Variants in PPM1H observed in about 807,000 individuals in gnomAD.
The protein encoded by PPM1H is protein phosphatase 1H.
In PPM1H, 27 loss-of-function variants were observed where a neutral mutation model predicts 54.9. That is an observed-to-expected ratio of 0.49 (90% CI 0.36 to 0.68). The LOEUF (loss-of-function observed/expected upper bound fraction) is 0.68, where lower values mean the gene tolerates loss of function less well. Among genes scored for constraint, PPM1H ranks in the 30% least tolerant of loss-of-function variants. The probability of loss-of-function intolerance (pLI) is 0.00; values close to 1 mark genes in which losing one functional copy is unlikely to be tolerated. For missense variants in PPM1H, 596 were observed against 667.8 expected (o/e 0.89, Z 1.19); for synonymous variants, 305 against 270.8 (o/e 1.13, Z -1.24).
intron 1 of PPM1H, among the ~76,000 whole-genome samples, chr12:62,909,316 G>A (rs189803410): frequency 6.6e-6 from 1 of 152,278 alleles, no homozygotes; most frequent in East Asian, 1.9e-4. Flanking sequence ...GGTGGCCAAA[G>A]CCATCGTTCT....
chr12:62,785,419 C>T (rs1346395246), intron 4 of PPM1H, among the ~76,000 whole-genome samples: 2 of 152,208 alleles, frequency 1.3e-5, no homozygotes, highest in African/African-American at 2.4e-5. Flanking sequence ...CCTCATGATC[C>T]GCCCGCCTTG....
chr12:62,840,051 CAGAG>C (rs202055824), intron 1 of PPM1H: 6,446 of 130,272 alleles, frequency 0.049, 155 homozygotes, highest in Middle Eastern at 0.092. Context: ...TCTAGAGAGA[CAGAG>C]AGAGAGAGAG....
rs528936066 is a variant in PPM1H, at chr12:62,809,886, T to G, written c.412-7726A>C. 2.6e-5 allele frequency among the ~76,000 whole-genome samples: 4 copies of G among 152,270 alleles called. No homozygotes were observed. The East Asian group carries it at 7.8e-4, about 30-fold the overall frequency. On this transcript the variant is annotated intron_variant, in intron 2 of 9. Coordinates refer to ENST00000228705, the MANE Select transcript of PPM1H (RefSeq NM_020700.2). Reference sequence around the variant, plus strand: ...GGAACTATGACCATCATGTTTTTCTTCTGCGTGAAACACTGATCCCTATCT... The same window carrying G: ...GGAACTATGACCATCATGTTTTTCTGCTGCGTGAAACACTGATCCCTATCT...
intron 2 of PPM1H, among the ~76,000 whole-genome samples, chr12:62,806,907 G>A (rs896780994): frequency 1.3e-5 from 2 of 152,210 alleles, no homozygotes; most frequent in African/African-American, 4.8e-5. Flanking sequence ...GAGAGGACAA[G>A]GAGAAATTCT....
intron 1 of PPM1H, among the ~76,000 whole-genome samples, chr12:62,881,298 G>A (rs1870385358): frequency 6.6e-6 from 1 of 152,226 alleles, no homozygotes; most frequent in African/African-American, 2.4e-5. Flanking sequence ...GAATCTAGGT[G>A]CTGCTGTGAA....
rs192729713 is a variant in PPM1H at position 62,731,572 on chromosome 12, G to A, written c.954+5930C>T. Among the ~76,000 whole-genome samples the A allele has an allele frequency of 2.1e-3, 323 of 152,298 alleles. 2 individuals carry two copies. Among genetic ancestry groups the A allele is most frequent in the South Asian group, 9.8e-3 (47 of 4,820 alleles). On this transcript the variant is annotated intron_variant, in intron 5 of 9. Transcript: ENST00000228705. The stretch of plus-strand genomic sequence containing the variant: ...GCAGACAAACAGAACCCGGCTCGGC[G>A]TTGAGAGCTGGGGGTAGTTCCAAGG...
At chr12:62,669,457 C>T (rs1482743529) in intron 8 of PPM1H, among the ~76,000 whole-genome samples, 1 of 152,172 alleles carries the variant, frequency 6.6e-6, no homozygotes, top group Non-Finnish European at 1.5e-5. Flanking sequence ...GATGCCAATG[C>T]TGCAGGTTCA....
chr12:62,708,174 C>A (rs1340747026), intron 6 of PPM1H, among the ~76,000 whole-genome samples: 1 of 152,224 alleles, frequency 6.6e-6, no homozygotes, highest in Non-Finnish European at 1.5e-5. Context: ...GCTTTCAGCT[C>A]TCCAGCAAGG....
At position 62,677,334 on chromosome 12, in the gene PPM1H, G is replaced by A. The variant is rs148654786; in HGVS notation, c.1246-10005C>T. On this transcript the variant is annotated intron_variant, in intron 8 of 9. Coordinates refer to ENST00000228705, the MANE Select transcript of PPM1H (RefSeq NM_020700.2). ...TGTAACACAAACAGTGCTGAAACAC[G>A]CCTCCCTCTTGCCACACTGCAGGCA... 1.1e-3 allele frequency among the ~76,000 whole-genome samples: 161 copies of A among 152,326 alleles called. 1 individual carries two copies. Among genetic ancestry groups the A allele is most frequent in the African/African-American group, 3.7e-3 (153 of 41,580 alleles).
chr12:62,917,562 G>A (rs955808120), intron 1 of PPM1H, among the ~76,000 whole-genome samples: 1 of 152,118 alleles, frequency 6.6e-6, no homozygotes, highest in African/African-American at 2.4e-5. Context: ...GATTTTGTTT[G>A]CTTCACTGAT....
chr12:62,797,114 C>A (rs1434754956), intron 3 of PPM1H, among the ~76,000 whole-genome samples: 2 of 152,070 alleles, frequency 1.3e-5, no homozygotes, highest in Non-Finnish European at 2.9e-5. Flanking sequence ...CAGATGGAGA[C>A]AGACAAGCAG....
chr12:62,777,017 C>T (rs1195579023), intron 4 of PPM1H, among the ~76,000 whole-genome samples: 2 of 152,174 alleles, frequency 1.3e-5, no homozygotes, highest in Non-Finnish European at 2.9e-5. Context: ...TTCACAAAAA[C>T]GAGTATGATC....
At chr12:62,817,148 A>AAC (rs2076873247) in intron 2 of PPM1H, among the ~76,000 whole-genome samples, 1 of 133,448 alleles carries the variant, frequency 7.5e-6, no homozygotes, top group Non-Finnish European at 1.7e-5. Flanking sequence ...AAAAAAAAAA[A>AAC]AACTAAAAAA....
At chr12:62,731,903 G>A (rs2076323007) in intron 5 of PPM1H, among the ~76,000 whole-genome samples, 1 of 152,094 alleles carries the variant, frequency 6.6e-6, no homozygotes, top group South Asian at 2.1e-4. Context: ...CAAAGGTAGG[G>A]GTGATTTCCT....
At chr12:62,707,591 A>G (rs1251994847) in intron 6 of PPM1H, among the ~76,000 whole-genome samples, 1 of 152,222 alleles carries the variant, frequency 6.6e-6, no homozygotes, top group Non-Finnish European at 1.5e-5. Flanking sequence ...AAAATGCAGA[A>G]TCCATAGAGA....
At chr12:62,933,244 G>A (rs1054379114) in intron 1 of PPM1H, among the ~76,000 whole-genome samples, 1 of 152,122 alleles carries the variant, frequency 6.6e-6, no homozygotes, top group Admixed American at 6.5e-5. Context: ...ATGGAGAAAC[G>A]CTTTATAGGA....
intron 8 of PPM1H, among the ~76,000 whole-genome samples, chr12:62,688,620 T>C (rs983559501): frequency 2.6e-5 from 4 of 152,166 alleles, no homozygotes; most frequent in African/African-American, 7.2e-5. Flanking sequence ...AACTTGTTTG[T>C]AAATTAACTT....
At chr12:62,685,698 G>C (rs1382136732) in intron 8 of PPM1H, among the ~76,000 whole-genome samples, 4 of 152,130 alleles carry the variant, frequency 2.6e-5, no homozygotes, top group African/African-American at 4.8e-5. Flanking sequence ...ATAAGTTTTA[G>C]AGATCTATTG....
At chr12:62,691,253 A>G (rs773549154) in intron 7 of PPM1H, among the ~76,000 whole-genome samples, 1 of 152,208 alleles carries the variant, frequency 6.6e-6, no homozygotes, top group Non-Finnish European at 1.5e-5. Context: ...TTAATCATAA[A>G]AAATATATCC....
Sources: gnomAD v4.1 joint callset for allele counts (sites outside exome capture counted in the v4.1 genomes callset) on GRCh38, gnomAD v4.1.1 for gene constraint, MANE v1.5 for transcripts, NCBI Gene and HGNC (gene_info 2026-07-23, HGNC 2026-07-21) for gene names.